STPG2: variants seen among roughly 807,000 people sequenced by gnomAD.
STPG2 encodes the protein sperm-tail PG-rich repeat-containing protein 2.
Under a neutral mutation model 54.2 loss-of-function variants are expected in STPG2, and 56 were observed. The ratio of observed to expected loss-of-function variants is 1.03; its 90% confidence interval spans 0.83 to 1.29. The LOEUF is 1.29. Ranked by LOEUF, STPG2 falls within the 50% of genes most tolerant of loss-of-function variation. STPG2 has a pLI of 0.00. For synonymous variants in STPG2, 200 were observed against 181.8 expected (o/e 1.10, Z -0.81); for missense variants, 596 against 544.9 (o/e 1.09, Z -0.93).
At chr4:97,841,012 G>C in intron 8 of STPG2, 80 bp from the exon 9 acceptor site, 5 of 1,366,340 alleles carry the variant, frequency 3.7e-6, no homozygotes, top group Non-Finnish European at 3.0e-6. Context: ...GATGGTTACA[G>C]TAAGCAATGA....
intron 4 of STPG2, among the ~76,000 whole-genome samples, chr4:97,516,502 T>C (rs1382132391): frequency 6.6e-6 from 1 of 152,082 alleles, no homozygotes; most frequent in Non-Finnish European, 1.5e-5. Context: ...TGTGCCCTTC[T>C]TGCGACACTT....
intron 6 of STPG2, among the ~76,000 whole-genome samples, chr4:97,973,300 C>T (rs1234826986): frequency 1.3e-5 from 2 of 152,048 alleles, no homozygotes; most frequent in Non-Finnish European, 2.9e-5. Context: ...TTGCCCCTGT[C>T]TTAGAGATTT....
intron 9 of STPG2, among the ~76,000 whole-genome samples, chr4:97,713,109 T>A (rs1456538239): frequency 6.6e-6 from 1 of 152,196 alleles, no homozygotes. Flanking sequence ...GCTTAACTCT[T>A]ATATCCTAAA....
chr4:97,687,158 G>A (rs1723220072), intron 10 of STPG2, among the ~76,000 whole-genome samples: 1 of 151,430 alleles, frequency 6.6e-6, no homozygotes, highest in Admixed American at 6.6e-5. Flanking sequence ...CACTGTGTTA[G>A]CCAGGATGGT....
intron 4 of STPG2, among the ~76,000 whole-genome samples, chr4:97,471,501 T>G (rs926207398): frequency 6.6e-6 from 1 of 152,142 alleles, no homozygotes; most frequent in Non-Finnish European, 1.5e-5. Context: ...GTAATTGAAG[T>G]GATTCTTGTA....
chr4:97,763,778 G>A (rs925313412), intron 9 of STPG2, among the ~76,000 whole-genome samples: 4 of 152,094 alleles, frequency 2.6e-5, no homozygotes, highest in Admixed American at 6.6e-5. Flanking sequence ...TGCAAATGTT[G>A]CTGATTACTT....
intron 8 of STPG2, among the ~76,000 whole-genome samples, chr4:97,942,971 A>G (rs925039038): frequency 6.6e-6 from 1 of 152,200 alleles, no homozygotes; most frequent in Non-Finnish European, 1.5e-5. Flanking sequence ...TTGGAGTGCT[A>G]TAACAAAATA....
chr4:97,754,601 ACTTCTATG>A (rs907625650), intron 9 of STPG2, among the ~76,000 whole-genome samples: 6 of 152,128 alleles, frequency 3.9e-5, no homozygotes, highest in Non-Finnish European at 8.8e-5. Flanking sequence ...GCTAACTCCC[ACTTCTATG>A]AACTCCAAAT....
At position 97,685,037 on chromosome 4, in the gene STPG2, T is replaced by C. The variant is rs577551255; in HGVS notation, c.1320+27662A>G. Among the ~76,000 whole-genome samples, 236 of 152,182 alleles carry C rather than the reference T, an allele frequency of 1.6e-3. 1 individual carries two copies. Among genetic ancestry groups the C allele is most frequent in the African/African-American group, 5.4e-3 (226 of 41,570 alleles). On this transcript the variant is annotated intron_variant, in intron 10 of 10. Transcript: ENST00000295268. ...CAATAATAAAATACAACTACATACC[T>C]ATCAGAATGGCCAAAATCCAAGACA...
intron 5 of STPG2, among the ~76,000 whole-genome samples, chr4:97,991,365 GTA>G (rs778894578): frequency 2.0e-5 from 3 of 147,690 alleles, no homozygotes; most frequent in South Asian, 2.1e-4. Flanking sequence ...TGTGTGTGGT[GTA>G]TATATATATG....
At chr4:97,643,533 C>T (rs180970772) in intron 10 of STPG2, among the ~76,000 whole-genome samples, 5 of 151,770 alleles carry the variant, frequency 3.3e-5, no homozygotes, top group African/African-American at 1.2e-4. Context: ...TATAAGTAAT[C>T]TCCAAAATAC....
chr4:97,741,392 A>G (rs937212722), intron 9 of STPG2, among the ~76,000 whole-genome samples: 5 of 152,146 alleles, frequency 3.3e-5, no homozygotes, highest in African/African-American at 4.8e-5. Flanking sequence ...GAGCTTCTGC[A>G]CAGCAAAAGA....
At chr4:97,748,375 T>C in intron 9 of STPG2, among the ~76,000 whole-genome samples, 1 of 151,576 alleles carries the variant, frequency 6.6e-6, no homozygotes, top group Non-Finnish European at 1.5e-5. Context: ...ATATTAGAAC[T>C]ATAAGTTAGA....
At position 97,744,547 on chromosome 4, in the gene STPG2, C is replaced by T. The variant is rs978827369; in HGVS notation, c.1205-31733G>A. 3.3e-5 allele frequency among the ~76,000 whole-genome samples: 5 copies of T among 151,056 alleles called. No homozygotes were observed. In the East Asian group the frequency reaches 7.7e-4, roughly 23 times the overall value. ...TAGATTCTTATTACTATATATTAGTCCCCCCATTATCTTCAGGGGATACTT... is the reference window on the plus strand; with the variant it reads ...TAGATTCTTATTACTATATATTAGTTCCCCCATTATCTTCAGGGGATACTT... On this transcript the variant is annotated intron_variant, in intron 9 of 10. Transcript: ENST00000295268.
chr4:97,442,216 T>TG (rs949040474), intron 4 of STPG2, among the ~76,000 whole-genome samples: 1 of 151,104 alleles, frequency 6.6e-6, no homozygotes, highest in African/African-American at 2.5e-5. Context: ...CTACATGACA[T>TG]GTTTTTTTTT....
chr4:97,589,419 T>A (rs1733081798), intron 10 of STPG2, among the ~76,000 whole-genome samples: 1 of 152,122 alleles, frequency 6.6e-6, no homozygotes, highest in Admixed American at 6.6e-5. Flanking sequence ...AAAAGCAATG[T>A]TAATAATCCA....
In STPG2 at chr4:98,083,953, G is replaced by C. The variant is rs145041844; in HGVS notation, c.612+22000C>G. ...GCAGCCTCCAACTCTTGGGTGGCTC[G>C]AGCAATCCTCCTATCTCAGTCTCCC... On this transcript the variant is annotated intron_variant, in intron 5 of 10. Coordinates refer to ENST00000295268, the MANE Select transcript of STPG2 (RefSeq NM_174952.3). Among the ~76,000 whole-genome samples, 1,240 of 152,092 alleles carry C rather than the reference G, an allele frequency of 8.2e-3. 52 individuals carry two copies. The highest frequency in any genetic ancestry group is 0.071 in the Admixed American group (1,080 of 15,276).
intron 9 of STPG2, among the ~76,000 whole-genome samples, chr4:97,838,677 T>G (rs1194258856): frequency 5.3e-5 from 8 of 151,508 alleles, no homozygotes; most frequent in Non-Finnish European, 1.2e-4. Flanking sequence ...GGCATGATAT[T>G]AATTGAATTG....
chr4:97,575,207 C>G (rs1560668549), intron 10 of STPG2, among the ~76,000 whole-genome samples: 1 of 151,904 alleles, frequency 6.6e-6, no homozygotes, highest in Non-Finnish European at 1.5e-5. Context: ...TTCTCCCAGA[C>G]ATACAAAGAA....
Sources: gnomAD v4.1 joint callset for allele counts (sites outside exome capture counted in the v4.1 genomes callset) on GRCh38, gnomAD v4.1.1 for gene constraint, MANE v1.5 for transcripts, NCBI Gene and HGNC (gene_info 2026-07-23, HGNC 2026-07-21) for gene names.